Variants in CREB5 observed in about 807,000 individuals in gnomAD.
CREB5 encodes the protein cAMP responsive element binding protein 5.
In CREB5, 19 loss-of-function variants were observed where a neutral mutation model predicts 57.1. That is an observed-to-expected ratio of 0.33 (90% CI 0.23 to 0.49). The LOEUF (loss-of-function observed/expected upper bound fraction) is 0.49. Among genes scored for constraint, CREB5 ranks in the 20% least tolerant of loss-of-function variants. The pLI, the probability that CREB5 is intolerant of heterozygous loss-of-function variation, is 0.99. For synonymous variants in CREB5, 238 were observed against 238.3 expected, an observed-to-expected ratio of 1.00 and a Z score of 0.01; for missense variants, 579 against 671.6, an observed-to-expected ratio of 0.86 and a Z score of 1.52.
At chr7:28,531,840 C>A (rs1401087727) in intron 4 of CREB5, among the ~76,000 whole-genome samples, 2 of 151,994 alleles carry the variant, frequency 1.3e-5, no homozygotes. Flanking sequence ...ACCATCCTGG[C>A]TAACATGGTG....
chr7:28,467,391 C>T (rs78402096), intron 1 of CREB5, among the ~76,000 whole-genome samples: 5,494 of 152,254 alleles, frequency 0.036, 148 homozygotes, highest in Middle Eastern at 0.058. Flanking sequence ...ATTATTCCGT[C>T]CCTGCTTTTT....
intron 1 of CREB5, among the ~76,000 whole-genome samples, chr7:28,372,856 A>C (rs940388648): frequency 1.3e-5 from 2 of 152,240 alleles, no homozygotes; most frequent in Admixed American, 6.5e-5. Context: ...TAAAACATTT[A>C]ATTTTGATCT....
At chr7:28,816,233 C>G (rs1458386392) in intron 9 of CREB5, among the ~76,000 whole-genome samples, 1 of 152,082 alleles carries the variant, frequency 6.6e-6, no homozygotes, top group Admixed American at 6.5e-5. Flanking sequence ...GGAAGGCCAT[C>G]TGAATTTAGA....
chr7:28,493,342 T>C (rs1791886700), intron 2 of CREB5, among the ~76,000 whole-genome samples: 1 of 152,216 alleles, frequency 6.6e-6, no homozygotes, highest in Non-Finnish European at 1.5e-5. Flanking sequence ...ACTACAAACA[T>C]ACCAGTCTGA....
intron 7 of CREB5, among the ~76,000 whole-genome samples, chr7:28,783,153 G>A (rs759509866): frequency 3.3e-5 from 5 of 152,164 alleles, no homozygotes; most frequent in South Asian, 4.2e-4. Flanking sequence ...AAATACTCAC[G>A]TGCCTCACTC....
intron 5 of CREB5, among the ~76,000 whole-genome samples, chr7:28,635,033 C>A (rs900985389): frequency 6.6e-6 from 1 of 152,088 alleles, no homozygotes; most frequent in Non-Finnish European, 1.5e-5. Context: ...AGGGTATTGT[C>A]GAGGAATTTA....
At chr7:28,505,557 C>T (rs1286970282) in intron 3 of CREB5, among the ~76,000 whole-genome samples, 8 of 152,138 alleles carry the variant, frequency 5.3e-5, no homozygotes, top group Non-Finnish European at 1.0e-4. Flanking sequence ...ATTCTCAAAT[C>T]TAGATTTCTG....
At chr7:28,560,883 C>CGTGT (rs1254268339) in intron 4 of CREB5, among the ~76,000 whole-genome samples, 1 of 17,278 alleles carries the variant, frequency 5.8e-5, no homozygotes, top group Admixed American at 6.3e-4. Flanking sequence ...CGCGTGCGTG[C>CGTGT]GTGCGTGTGT....
chr7:28,466,418 A>C (rs777559136), intron 1 of CREB5, among the ~76,000 whole-genome samples: 11 of 152,156 alleles, frequency 7.2e-5, no homozygotes, highest in Non-Finnish European at 1.6e-4. Context: ...CAGTTGGCAG[A>C]TGTGTGTTTG....
At chr7:28,732,490 C>T (rs1338033842) in intron 7 of CREB5, among the ~76,000 whole-genome samples, 3 of 151,984 alleles carry the variant, frequency 2.0e-5, no homozygotes, top group South Asian at 4.1e-4. Flanking sequence ...CGTGTGAGCA[C>T]GCGTGTGTCC....
intron 4 of CREB5, among the ~76,000 whole-genome samples, chr7:28,569,441 T>C (rs1795611073): frequency 6.6e-6 from 1 of 152,236 alleles, no homozygotes; most frequent in South Asian, 2.1e-4. Context: ...CTTTCTTTTC[T>C]ATGAAGACCT....
In CREB5 at chr7:28,598,200, G is replaced by A. The variant is rs575225920; in HGVS notation, c.464+27663G>A. 2.7e-3 allele frequency among the ~76,000 whole-genome samples: 410 copies of A among 152,222 alleles called. 1 individual carries two copies. Among genetic ancestry groups the A allele is most frequent in the South Asian group, 0.021 (102 of 4,828 alleles). ...TCTCGTGATAGTGAATAAGTCTCAC[G>A]AGATCTGATGGGTTTGTCAGGGGTT... On this transcript the variant is annotated intron_variant, in intron 5 of 10. Transcript: ENST00000357727.
At chr7:28,490,416 A>G (rs1389146584) in intron 2 of CREB5, among the ~76,000 whole-genome samples, 2 of 152,190 alleles carry the variant, frequency 1.3e-5, no homozygotes, top group Non-Finnish European at 2.9e-5. Flanking sequence ...AAGGCAAAAG[A>G]GGGTTCAGGG....
chr7:28,776,662 C>T (rs1307245556), intron 7 of CREB5, among the ~76,000 whole-genome samples: 1 of 152,092 alleles, frequency 6.6e-6, no homozygotes, highest in Non-Finnish European at 1.5e-5. Context: ...TTTTCATTAC[C>T]CTTCAGAAAA....
chr7:28,464,886 G>T (rs910181027), intron 1 of CREB5, among the ~76,000 whole-genome samples: 1 of 152,154 alleles, frequency 6.6e-6, no homozygotes, highest in Non-Finnish European at 1.5e-5. Context: ...AGCTGTTAGT[G>T]TCACAACAAC....
chr7:28,692,888 C>G (rs1382980571), intron 5 of CREB5, among the ~76,000 whole-genome samples: 1 of 152,194 alleles, frequency 6.6e-6, no homozygotes, highest in Non-Finnish European at 1.5e-5. Context: ...ACTTAGCACT[C>G]CAAAATCCAC....
intron 1 of CREB5, among the ~76,000 whole-genome samples, chr7:28,377,188 G>A (rs181266252): frequency 8.5e-5 from 13 of 152,116 alleles, no homozygotes; most frequent in Admixed American, 8.5e-4. Flanking sequence ...TTGCTCTGGG[G>A]AGCTACAGAG....
chr7:28,655,572 G>T (rs1381008236), intron 5 of CREB5, among the ~76,000 whole-genome samples: 2 of 152,178 alleles, frequency 1.3e-5, no homozygotes, highest in Non-Finnish European at 2.9e-5. Context: ...CTGCGTTCAT[G>T]CCACTGCACT....
chr7:28,787,856 A>G (rs1175074980), intron 7 of CREB5, among the ~76,000 whole-genome samples: 1 of 152,174 alleles, frequency 6.6e-6, no homozygotes, highest in Non-Finnish European at 1.5e-5. Flanking sequence ...GCCTAGCCTG[A>G]AAACTAGATT....
Sources: gnomAD v4.1 joint callset for allele counts (sites outside exome capture counted in the v4.1 genomes callset) on GRCh38, gnomAD v4.1.1 for gene constraint, MANE v1.5 for transcripts, NCBI Gene and HGNC (gene_info 2026-07-23, HGNC 2026-07-21) for gene names.